IGSF21: variants seen among roughly 807,000 people sequenced by gnomAD.
IGSF21 encodes the protein immunoglobulin superfamily member 21.
A neutral mutation model predicts 46.8 loss-of-function variants in IGSF21; 28 were observed. The ratio of observed to expected loss-of-function variants is 0.60; its 90% CI spans 0.44 to 0.82. IGSF21 has a LOEUF of 0.82. Ranked by LOEUF, IGSF21 falls within the 40% of genes least tolerant of loss-of-function variation. The pLI, the probability that IGSF21 is intolerant of heterozygous loss-of-function variation, is 0.00. For synonymous variants in IGSF21, 284 were observed against 273.6 expected (o/e 1.04, Z -0.38); for missense variants, 624 against 665.5 (o/e 0.94, Z 0.69).
chr1:18,367,744 T>A (rs1324927217), intron 6 of IGSF21, among the ~76,000 whole-genome samples: 1 of 150,654 alleles, frequency 6.6e-6, no homozygotes, highest in Non-Finnish European at 1.5e-5. Context: ...GTAGCTGGGA[T>A]TACAGGTGCC....
At chr1:18,140,489 G>C (rs74055903) in intron 1 of IGSF21, among the ~76,000 whole-genome samples, 407 of 152,302 alleles carry the variant, frequency 2.7e-3, no homozygotes, top group African/African-American at 9.4e-3. Flanking sequence ...GCAGCTGTGG[G>C]GATCACATGG....
chr1:18,303,567 T>C lies in IGSF21; in HGVS notation c.305+11580T>C, dbSNP rs892731435. ...TGTAGCCCAGTGCCAGGAAGCACCC[T>C]GGGGGGAGTAATGGGAAGTTAGTTC... On this transcript the variant is annotated intron_variant, in intron 3 of 9. Transcript: ENST00000251296. 1.6e-4 allele frequency among the ~76,000 whole-genome samples: 25 copies of C among 152,130 alleles called. 1 individual carries two copies. The highest frequency in any genetic ancestry group is 1.0e-4 in the Non-Finnish European group (7 of 68,002).
chr1:18,341,482 G>C (rs1256085585), intron 4 of IGSF21, among the ~76,000 whole-genome samples: 1 of 152,174 alleles, frequency 6.6e-6, no homozygotes, highest in African/African-American at 2.4e-5. Flanking sequence ...TTCCCTGTCT[G>C]ACTCTGAAGC....
chr1:18,203,398 A>C (rs988193892), intron 1 of IGSF21, among the ~76,000 whole-genome samples: 1 of 152,142 alleles, frequency 6.6e-6, no homozygotes, highest in African/African-American at 2.4e-5. Context: ...AGCCACCGCC[A>C]TCCAGGTTCA....
chr1:18,279,217 C>T (rs959218319), intron 2 of IGSF21, among the ~76,000 whole-genome samples: 1 of 152,206 alleles, frequency 6.6e-6, no homozygotes, highest in Non-Finnish European at 1.5e-5. Flanking sequence ...CTCTTGTAGC[C>T]ATCACCCTAT....
At chr1:18,352,757 T>C (rs1376703822) in intron 4 of IGSF21, among the ~76,000 whole-genome samples, 1 of 152,176 alleles carries the variant, frequency 6.6e-6, no homozygotes, top group Non-Finnish European at 1.5e-5. Context: ...GTTGGGGCTG[T>C]TAATTTTATC....
At chr1:18,293,434 G>T (rs1009996059) in intron 3 of IGSF21, among the ~76,000 whole-genome samples, 1 of 152,064 alleles carries the variant, frequency 6.6e-6, no homozygotes, top group Non-Finnish European at 1.5e-5. Context: ...CTCCCCAGGC[G>T]GCCCGGCTGG....
Position 18,165,049 on chromosome 1 carries a change from A to G in IGSF21, c.70+56851A>G, listed in dbSNP as rs983887887. Among the ~76,000 whole-genome samples the G allele has an allele frequency of 2.2e-4, 34 of 151,664 alleles. 1 individual carries two copies. The highest frequency in any genetic ancestry group is 8.0e-4 in the African/African-American group (33 of 41,226). ...GGTTTCCAGCTGCATCCATGTCCCT[A>G]CGAAGGATATGAACTCATCATTTTT... On this transcript the variant is annotated intron_variant, in intron 1 of 9. Transcript: ENST00000251296.
At chr1:18,176,389 A>G (rs985538535) in intron 1 of IGSF21, among the ~76,000 whole-genome samples, 4 of 152,214 alleles carry the variant, frequency 2.6e-5, no homozygotes, top group African/African-American at 9.6e-5. Context: ...ACAGACTTGA[A>G]TTCCAGTCTG....
At position 18,351,081 on chromosome 1, in the gene IGSF21, C is replaced by T. The variant is rs145293897; in HGVS notation, c.425-11034C>T. ...CCTCTAACTGTCTGGATGAGGAAAC[C>T]GAGACCCAGGGAGGGGGAAATGACG... On this transcript the variant is annotated intron_variant, in intron 4 of 9. Coordinates refer to ENST00000251296, the MANE Select transcript of IGSF21 (RefSeq NM_032880.5). Among the ~76,000 whole-genome samples, 26 of 152,182 alleles carry T rather than the reference C, an allele frequency of 1.7e-4. No homozygotes were observed. In the South Asian group the frequency reaches 2.5e-3, roughly 15 times the overall value.
chr1:18,341,571 CT>C (rs1172966288), intron 4 of IGSF21, among the ~76,000 whole-genome samples: 1 of 152,170 alleles, frequency 6.6e-6, no homozygotes. Flanking sequence ...CTAAACTCTT[CT>C]TGTGTTAACT....
chr1:18,238,534 G>A (rs2084694563), intron 2 of IGSF21, among the ~76,000 whole-genome samples: 1 of 152,150 alleles, frequency 6.6e-6, no homozygotes, highest in African/African-American at 2.4e-5. Flanking sequence ...ATCTTCTCTT[G>A]GGGATTAAGA....
At chr1:18,361,993 C>G in intron 4 of IGSF21, 122 bp from the exon 5 acceptor site, 3 of 652,642 alleles carry the variant, frequency 4.6e-6, no homozygotes, top group Non-Finnish European at 8.1e-6. Flanking sequence ...TGGAGTTTGG[C>G]AACACCTGCC....
rs113221858 is a variant in IGSF21, at chr1:18,303,324, C to T, written c.305+11337C>T. ...CTCTATTTAGGGGGCTCAGGTGCAG[C>T]CCAGAGAAGAGAAGCGACTTGCACA... On this transcript the variant is annotated intron_variant, in intron 3 of 9. Coordinates refer to ENST00000251296, the MANE Select transcript of IGSF21 (RefSeq NM_032880.5). 1.2e-3 allele frequency among the ~76,000 whole-genome samples: 180 copies of T among 152,290 alleles called. 1 individual carries two copies. Among genetic ancestry groups the T allele is most frequent in the African/African-American group, 4.1e-3 (170 of 41,554 alleles).
rs181340201 is a variant in IGSF21, at chr1:18,272,393, C to T, written c.184-19473C>T. ...CCTGGCTACATGATCTTGGGCCAGTCGCTTCACCCCTCCAGGCTTCAGTTT... is the reference window on the plus strand; with the variant it reads ...CCTGGCTACATGATCTTGGGCCAGTTGCTTCACCCCTCCAGGCTTCAGTTT... On this transcript the variant is annotated intron_variant, in intron 2 of 9. Coordinates refer to ENST00000251296, the MANE Select transcript of IGSF21 (RefSeq NM_032880.5). 9.3e-4 allele frequency among the ~76,000 whole-genome samples: 141 copies of T among 152,252 alleles called. No homozygotes were observed. In the South Asian group the frequency reaches 0.013, roughly 14 times the overall value.
chr1:18,185,169 A>T (rs2086891728), intron 1 of IGSF21, among the ~76,000 whole-genome samples: 4 of 152,182 alleles, frequency 2.6e-5, no homozygotes, highest in Admixed American at 2.6e-4. Context: ...ATGTAGGTCC[A>T]ACACTCTGGC....
At chr1:18,143,841 G>A (rs1159634404) in intron 1 of IGSF21, among the ~76,000 whole-genome samples, 1 of 152,136 alleles carries the variant, frequency 6.6e-6, no homozygotes, top group African/African-American at 2.4e-5. Flanking sequence ...AGGTGGTAGG[G>A]GGGTGAGTGG....
rs575944829 is a variant in IGSF21, at chr1:18,144,857, A to G, written c.70+36659A>G. On this transcript the variant is annotated intron_variant, in intron 1 of 9. Transcript: ENST00000251296. ...AGATGTTTAACTTCTCCGTGCCTCT[A>G]TTTCCCCATTTGCCACAACTTGACG... Among the ~76,000 whole-genome samples the G allele has an allele frequency of 2.6e-5, 4 of 152,136 alleles. No homozygotes were observed. The East Asian group carries it at 7.7e-4, about 29-fold the overall frequency.
intron 7 of IGSF21, 110 bp from the exon 8 acceptor site, chr1:18,376,690 C>T (rs2086283654): frequency 9.5e-7 from 1 of 1,058,200 alleles, no homozygotes; most frequent in South Asian, 1.5e-5. Flanking sequence ...CACTCCTAAC[C>T]CGTCGGATGA....
Sources: gnomAD v4.1 joint callset for allele counts (sites outside exome capture counted in the v4.1 genomes callset) on GRCh38, gnomAD v4.1.1 for gene constraint, MANE v1.5 for transcripts, NCBI Gene and HGNC (gene_info 2026-07-23, HGNC 2026-07-21) for gene names.